PCBP3: variants seen among roughly 807,000 people sequenced by gnomAD.
The protein encoded by PCBP3 is poly(rC)-binding protein 3.
PCBP3 carries 25 observed loss-of-function variants against 52.7 expected under a neutral mutation model. That is an observed-to-expected ratio of 0.47 (90% CI 0.35 to 0.66). The LOEUF (loss-of-function observed/expected upper bound fraction) is 0.66, where lower values mean the gene tolerates loss of function less well. Among genes scored for constraint, PCBP3 ranks in the 30% least tolerant of loss-of-function variants. The pLI, the probability that PCBP3 is intolerant of heterozygous loss-of-function variation, is 0.01. For synonymous variants in PCBP3, 162 were observed against 183.0 expected (o/e 0.89, Z 0.93); for missense variants, 391 against 490.3 (o/e 0.80, Z 1.91).
At chr21:45,731,392 A>G (rs2085443505) in intron 2 of PCBP3, among the ~76,000 whole-genome samples, 1 of 152,224 alleles carries the variant, frequency 6.6e-6, no homozygotes, top group Non-Finnish European at 1.5e-5. Context: ...AAGGCAGCAC[A>G]GGCACAGTTG....
At chr21:45,796,610 A>G (rs1054655339) in intron 4 of PCBP3, among the ~76,000 whole-genome samples, 7 of 151,932 alleles carry the variant, frequency 4.6e-5, no homozygotes, top group South Asian at 2.1e-4. Flanking sequence ...CTATTCCCAC[A>G]TATTTTCTAG....
chr21:45,799,477 A>G (rs1385470105), intron 4 of PCBP3, among the ~76,000 whole-genome samples: 1 of 152,170 alleles, frequency 6.6e-6, no homozygotes, highest in African/African-American at 2.4e-5. Flanking sequence ...TATACATTAA[A>G]ATTTATCATA....
chr21:45,709,463 C>T (rs566717985), intron 2 of PCBP3, among the ~76,000 whole-genome samples: 11 of 152,282 alleles, frequency 7.2e-5, no homozygotes, highest in African/African-American at 2.4e-4. Context: ...TCTGCAATGT[C>T]AGTGTCTGAA....
chr21:45,866,874 G>A (rs1034557320), intron 5 of PCBP3, among the ~76,000 whole-genome samples: 6 of 152,192 alleles, frequency 3.9e-5, no homozygotes, highest in Admixed American at 2.6e-4. Context: ...TAGGGCGGAG[G>A]TCGGGGACAG....
At chr21:45,712,709 T>C (rs912192351) in intron 2 of PCBP3, among the ~76,000 whole-genome samples, 2 of 151,860 alleles carry the variant, frequency 1.3e-5, no homozygotes, top group Non-Finnish European at 2.9e-5. Context: ...TCATTTTTTT[T>C]TTTTTCCTAT....
chr21:45,754,665 A>T (rs115366473), intron 3 of PCBP3, among the ~76,000 whole-genome samples: 3,176 of 152,302 alleles, frequency 0.021, 120 homozygotes, highest in African/African-American at 0.073. Flanking sequence ...TTTAGTAGAG[A>T]GGTTGAAAAT....
At chr21:45,723,260 C>T (rs936675344) in intron 2 of PCBP3, among the ~76,000 whole-genome samples, 2 of 152,146 alleles carry the variant, frequency 1.3e-5, no homozygotes, top group African/African-American at 2.4e-5. Context: ...GGCCTGCTCT[C>T]GAGGGAGGCT....
chr21:45,783,447 G>GT (rs2090799208), intron 4 of PCBP3, among the ~76,000 whole-genome samples: 1 of 152,230 alleles, frequency 6.6e-6, no homozygotes, highest in Non-Finnish European at 1.5e-5. Context: ...TTTGCAACCT[G>GT]TAAGAACTTG....
At position 45,791,605 on chromosome 21, in the gene PCBP3, C is replaced by T. The variant is rs537772954; in HGVS notation, c.-126+36153C>T. Among the ~76,000 whole-genome samples the T allele has an allele frequency of 2.1e-4, 32 of 152,268 alleles. No homozygotes were observed. In the South Asian group the frequency reaches 4.8e-3, roughly 23 times the overall value. The stretch of plus-strand genomic sequence containing the variant: ...GTGCAACAGCCGGAAGGCAGGTGGC[C>T]GCCAACAACTTTCTTTTTCCAGTTG... On this transcript the variant is annotated intron_variant, in intron 4 of 17. Transcript: ENST00000681687. The surrounding 1 kb of genome is among the most constrained non-coding windows in gnomAD (Gnocchi z 4.2).
intron 3 of PCBP3, chr21:45,750,287 C>T (rs1304905737): frequency 1.3e-5 from 2 of 152,194 alleles, no homozygotes; most frequent in Non-Finnish European, 2.9e-5. Context: ...GTGACGTTTC[C>T]CCAGGACTTA....
At chr21:45,861,226 G>T (rs1254376201) in intron 5 of PCBP3, among the ~76,000 whole-genome samples, 2 of 152,220 alleles carry the variant, frequency 1.3e-5, no homozygotes, top group East Asian at 1.9e-4. Context: ...CACAGCAGGT[G>T]AGAAGGCCAC....
At chr21:45,930,595 A>C (rs544597204) in intron 14 of PCBP3, among the ~76,000 whole-genome samples, 191 bp from the exon 15 acceptor site, 189 of 152,086 alleles carry the variant, frequency 1.2e-3, no homozygotes, top group Non-Finnish European at 2.0e-3. Flanking sequence ...GCCTGTGGAC[A>C]ACCCCCCTCT....
At chr21:45,839,782 G>C (rs1463756890) in intron 4 of PCBP3, among the ~76,000 whole-genome samples, 1 of 152,094 alleles carries the variant, frequency 6.6e-6, no homozygotes, top group Non-Finnish European at 1.5e-5. Flanking sequence ...CGCTTCCCAG[G>C]TTCAAGCAGT....
At chr21:45,898,943 C>T (rs1827102005) in intron 6 of PCBP3, among the ~76,000 whole-genome samples, 1 of 152,112 alleles carries the variant, frequency 6.6e-6, no homozygotes, top group Non-Finnish European at 1.5e-5. Context: ...CTCCCTCTCC[C>T]TCCACGGGCC....
intron 2 of PCBP3, among the ~76,000 whole-genome samples, chr21:45,674,359 C>T (rs1314509801): frequency 5.9e-5 from 9 of 152,102 alleles, no homozygotes; most frequent in African/African-American, 1.4e-4. Context: ...ACTTTCGTTC[C>T]GAGATATAAA....
At chr21:45,665,469 A>C (rs1871372262) in intron 1 of PCBP3, among the ~76,000 whole-genome samples, 2 of 152,186 alleles carry the variant, frequency 1.3e-5, no homozygotes, top group Admixed American at 1.3e-4. Flanking sequence ...ACTCTACTGA[A>C]TTCATTTATC....
rs777879135 is a variant in PCBP3 at position 45,830,773 on chromosome 21, G to GGAA, written c.-125-19187_-125-19185dup. 1 of 152,226 alleles carries GGAA rather than the reference G, an allele frequency of 6.6e-6. No homozygotes were observed. Among genetic ancestry groups the GGAA allele is most frequent in the Non-Finnish European group, 1.5e-5 (1 of 68,042 alleles). The allele number at this position is 152,226 out of a possible 1,614,324, so 9.4% of individuals were successfully genotyped here. On this transcript the variant is annotated intron_variant, in intron 4 of 17. Transcript: ENST00000681687. The surrounding 1 kb of genome is among the most constrained non-coding windows in gnomAD (Gnocchi z 4.4). ...CTTTAATAAATTAATCAATGGTTTG[G>GGAA]GAATTGGGTATACGAACATTTATAA...
chr21:45,898,699 G>A (rs368439751), intron 6 of PCBP3, among the ~76,000 whole-genome samples: 17 of 45,686 alleles, frequency 3.7e-4, no homozygotes, highest in African/African-American at 2.6e-3. Context: ...CCCTCTGCAC[G>A]CCGTCCTCAC....
intron 13 of PCBP3, among the ~76,000 whole-genome samples, chr21:45,925,705 A>G (rs2075311732): frequency 6.6e-6 from 1 of 152,252 alleles, no homozygotes; most frequent in African/African-American, 2.4e-5. Context: ...GGGGGAAAAA[A>G]ACAAGACTTT....
Sources: allele counts gnomAD v4.1 joint callset (sites outside exome capture counted in the v4.1 genomes callset), GRCh38; gene constraint gnomAD v4.1.1; non-coding constraint Gnocchi (gnomAD v3.1); transcripts MANE v1.5; gene names NCBI Gene and HGNC (gene_info 2026-07-23, HGNC 2026-07-21).